Variants in FAM222A observed in about 807,000 individuals in gnomAD.
FAM222A encodes the protein family with sequence similarity 222 member A.
In FAM222A, 7 loss-of-function variants were observed where a neutral mutation model predicts 25.8. That is an observed-to-expected ratio of 0.27 (90% CI 0.15 to 0.51). The LOEUF is 0.51. Among genes scored for constraint, FAM222A ranks in the 20% least tolerant of loss-of-function variants. The pLI is 0.97. For missense variants in FAM222A, 573 were observed against 640.5 expected, an observed-to-expected ratio of 0.89 and a Z score of 1.14; for synonymous variants, 294 against 298.8, an observed-to-expected ratio of 0.98 and a Z score of 0.17.
chr12:109,724,571 G>T (rs971425732), intron 1 of FAM222A, among the ~76,000 whole-genome samples: 77 of 152,264 alleles, frequency 5.1e-4, no homozygotes, highest in African/African-American at 1.8e-3. Context: ...CTTCCCCCGG[G>T]GCCTGCGTGA....
chr12:109,764,884 A>G (rs1291131788), intron 2 of FAM222A, among the ~76,000 whole-genome samples: 1 of 152,202 alleles, frequency 6.6e-6, no homozygotes, highest in Non-Finnish European at 1.5e-5. Flanking sequence ...CCCGTTGGCC[A>G]AAGTGACATT....
intron 2 of FAM222A, among the ~76,000 whole-genome samples, chr12:109,766,137 T>C (rs537320545): frequency 3.9e-5 from 6 of 152,320 alleles, no homozygotes; most frequent in African/African-American, 1.2e-4. Context: ...AGACCTGGCA[T>C]GATCATGACC....
Position 109,769,190 on chromosome 12 carries a change from A to C in FAM222A, c.1261A>C (p.Ile421Leu), listed in dbSNP as rs1302367822. 6.2e-7 allele frequency: 1 copy of C among 1,612,486 alleles called. No homozygotes were observed. The highest frequency in any genetic ancestry group is 2.2e-5 in the East Asian group (1 of 44,876). Residue 421 changes from isoleucine (I) to leucine (L), a missense_variant, in exon 3 of 3, where the codon ATC (isoleucine) becomes CTC (leucine). This residue lies in a region of FAM222A where 49 missense variants were observed against 78.9 expected (regional missense o/e 0.62). Transcript: ENST00000538780. ...YLINDIRPPC[I>L]KEQMLGKGYE... is the part of the protein sequence containing the mutation. ...CATCAACGACATCCGGCCGCCCTGC[A>C]TCAAGGAGCAGATGCTGGGCAAGGG...
chr12:109,732,237 C>T (rs1887962341), intron 1 of FAM222A, among the ~76,000 whole-genome samples: 1 of 152,228 alleles, frequency 6.6e-6, no homozygotes, highest in Non-Finnish European at 1.5e-5. Flanking sequence ...GGAGGAGGTT[C>T]TTTCCCCCTC....
At chr12:109,765,122 G>C (rs956093683) in intron 2 of FAM222A, among the ~76,000 whole-genome samples, 1 of 152,228 alleles carries the variant, frequency 6.6e-6, no homozygotes, top group Non-Finnish European at 1.5e-5. Context: ...TAGGCTCATA[G>C]GCCTGCCCAT....
At chr12:109,762,931 G>A (rs556850597) in intron 2 of FAM222A, among the ~76,000 whole-genome samples, 15 of 152,358 alleles carry the variant, frequency 9.8e-5, no homozygotes, top group Admixed American at 7.8e-4. Context: ...TTCAAAGCAC[G>A]TTGAAGCACT....
chr12:109,731,556 G>A (rs747383011), intron 1 of FAM222A, among the ~76,000 whole-genome samples: 32 of 152,204 alleles, frequency 2.1e-4, no homozygotes, highest in Non-Finnish European at 2.1e-4. Flanking sequence ...CCGGCACACA[G>A]TTGCTGCTCG....
intron 2 of FAM222A, among the ~76,000 whole-genome samples, chr12:109,747,375 A>G (rs1888431173): frequency 6.6e-6 from 1 of 152,226 alleles, no homozygotes; most frequent in African/African-American, 2.4e-5. Flanking sequence ...GATTACAGTC[A>G]TGAGCCACCG....
chr12:109,746,710 C>G (rs1888407433), intron 2 of FAM222A, among the ~76,000 whole-genome samples: 1 of 152,098 alleles, frequency 6.6e-6, no homozygotes, highest in South Asian at 2.1e-4. Context: ...ATTATGCAGC[C>G]ATTACCACAG....
chr12:109,723,986 C>T (rs1275048326), intron 1 of FAM222A, among the ~76,000 whole-genome samples: 2 of 151,880 alleles, frequency 1.3e-5, no homozygotes, highest in African/African-American at 2.4e-5. Flanking sequence ...ACAAAAGAAA[C>T]AATTGCCAAG....
intron 2 of FAM222A, among the ~76,000 whole-genome samples, chr12:109,758,797 G>T (rs370222063): frequency 2.6e-5 from 4 of 152,304 alleles, no homozygotes; most frequent in African/African-American, 9.6e-5. Context: ...CCCCTGGCGA[G>T]CTGGGGCCAG....
chr12:109,755,604 A>G (rs1037724649), intron 2 of FAM222A, among the ~76,000 whole-genome samples: 1 of 152,190 alleles, frequency 6.6e-6, no homozygotes, highest in Admixed American at 6.5e-5. Flanking sequence ...CTGGGATTAC[A>G]GGCATGAGCC....
intron 1 of FAM222A, among the ~76,000 whole-genome samples, chr12:109,731,453 C>T (rs113171025): frequency 3.9e-5 from 6 of 152,280 alleles, no homozygotes; most frequent in African/African-American, 1.4e-4. Flanking sequence ...CTCTTCCTCT[C>T]GGAGCCTCTG....
At chr12:109,731,780 T>C (rs2136325874) in intron 1 of FAM222A, among the ~76,000 whole-genome samples, 1 of 152,250 alleles carries the variant, frequency 6.6e-6, no homozygotes, top group Admixed American at 6.5e-5. Flanking sequence ...TGGAGGGGTT[T>C]GTCGGGTTGA....
At chr12:109,715,636 A>G (rs1013058371) in intron 1 of FAM222A, among the ~76,000 whole-genome samples, 4 of 152,160 alleles carry the variant, frequency 2.6e-5, no homozygotes, top group African/African-American at 9.7e-5. Flanking sequence ...TTAGCGCCCC[A>G]TAAGGTGGGG....
rs59140628 is a variant in FAM222A at position 109,764,222 on chromosome 12, C to CAAAA, written c.83-3778_83-3775dup. 2.8e-4 allele frequency among the ~76,000 whole-genome samples: 26 copies of CAAAA among 91,748 alleles called. 1 individual carries two copies. The highest frequency in any genetic ancestry group is 5.0e-4 in the African/African-American group (11 of 22,114). The allele number at this position is 91,748 out of a possible 152,430, so 60.2% of individuals were successfully genotyped here. On this transcript the variant is annotated intron_variant, in intron 2 of 2. Transcript: ENST00000538780. ...TCTACCCTGAGTAAGACCCTGTCTT[C>CAAAA]AAAAAAAAAAAAAAAGCCATGGCCC...
chr12:109,731,859 G>C (rs978770878), intron 1 of FAM222A, among the ~76,000 whole-genome samples: 1 of 152,208 alleles, frequency 6.6e-6, no homozygotes, highest in Admixed American at 6.5e-5. Flanking sequence ...TGCAGGGAGT[G>C]TGGGAAATAA....
chr12:109,760,424 G>A (rs1039736416), intron 2 of FAM222A, among the ~76,000 whole-genome samples: 1 of 152,204 alleles, frequency 6.6e-6, no homozygotes, highest in Non-Finnish European at 1.5e-5. Flanking sequence ...CCCAGTGACT[G>A]AGAGCAGGAG....
chr12:109,743,093 C>G (rs915599716), intron 1 of FAM222A, among the ~76,000 whole-genome samples: 1 of 152,056 alleles, frequency 6.6e-6, no homozygotes, highest in African/African-American at 2.4e-5. Context: ...ACAGGGTGCC[C>G]GGGAAGATGG....
Sources: gnomAD v4.1 joint callset for allele counts (sites outside exome capture counted in the v4.1 genomes callset) on GRCh38, gnomAD v4.1.1 for gene constraint, gnomAD v4.1.1 regional missense constraint, MANE v1.5 for transcripts, NCBI Gene and HGNC (gene_info 2026-07-23, HGNC 2026-07-21) for gene names.